The following CNTNAP2 variants were observed in gnomAD, a reference collection of about 807,000 sequenced individuals.
CNTNAP2 encodes contactin-associated protein-like 2.
CNTNAP2 carries 98 observed loss-of-function variants against 155.2 expected under a neutral mutation model. That is an observed-to-expected ratio of 0.63 (90% CI 0.54 to 0.75). The LOEUF is 0.75. CNTNAP2 is among the 30% of genes least tolerant of loss of function. The pLI, the probability that CNTNAP2 is intolerant of heterozygous loss-of-function variation, is 0.00. For synonymous variants in CNTNAP2, 651 were observed against 631.2 expected (o/e 1.03, Z -0.47); for missense variants, 1,727 against 1,688.1 (o/e 1.02, Z -0.40).
intron 13 of CNTNAP2, among the ~76,000 whole-genome samples, chr7:147,832,054 A>T (rs1213590729): frequency 6.6e-6 from 1 of 151,382 alleles, no homozygotes; most frequent in East Asian, 1.9e-4. Flanking sequence ...ACCTCATCTT[A>T]TCTCTTGATG....
Position 147,338,469 on chromosome 7 carries a change from G to A in CNTNAP2, c.1498+38179G>A, listed in dbSNP as rs188485042. Among the ~76,000 whole-genome samples the A allele has an allele frequency of 5.6e-3, 855 of 152,124 alleles. 8 individuals carry two copies. Among genetic ancestry groups the A allele is most frequent in the African/African-American group, 0.02 (816 of 41,526 alleles). On this transcript the variant is annotated intron_variant, in intron 9 of 23. Transcript: ENST00000361727. ...AATATAGAACATAAGAAGAAAGAGT[G>A]CTCTTTATTTTATTGTGAAGTAAAT...
intron 1 of CNTNAP2, among the ~76,000 whole-genome samples, chr7:146,445,501 G>A (rs532086120): frequency 6.6e-6 from 1 of 152,270 alleles, no homozygotes; most frequent in South Asian, 2.1e-4. Context: ...TTCCAGATCA[G>A]TGGAAGACTT....
intron 1 of CNTNAP2, among the ~76,000 whole-genome samples, chr7:146,303,349 C>T (rs900768266): frequency 6.6e-6 from 1 of 151,680 alleles, no homozygotes; most frequent in Admixed American, 6.6e-5. Flanking sequence ...CATGTACCCT[C>T]CTCAGTTTTT....
intron 4 of CNTNAP2, among the ~76,000 whole-genome samples, chr7:147,050,198 T>C (rs1009897605): frequency 1.3e-5 from 2 of 152,184 alleles, no homozygotes; most frequent in Non-Finnish European, 2.9e-5. Context: ...ACTAATCTTC[T>C]TACGCGATAC....
chr7:146,599,843 A>AAAT (rs376315399), intron 1 of CNTNAP2, among the ~76,000 whole-genome samples: 98,799 of 151,490 alleles, frequency 0.65, 33,615 homozygotes, highest in African/African-American at 0.82. Flanking sequence ...ATAAGACACT[A>AAAT]AATTTTTTGA....
chr7:146,411,849 T>TA (rs1795871027), intron 1 of CNTNAP2, among the ~76,000 whole-genome samples: 8 of 151,744 alleles, frequency 5.3e-5, no homozygotes, highest in African/African-American at 1.9e-4. Flanking sequence ...TTTATTTATT[T>TA]TATTTGAGAT....
In CNTNAP2 at chr7:147,871,356, G is replaced by A. The variant is rs562342814; in HGVS notation, c.2099-32209G>A. On this transcript the variant is annotated intron_variant, in intron 13 of 23. Coordinates refer to ENST00000361727, the MANE Select transcript of CNTNAP2 (RefSeq NM_014141.6). Reference sequence around the variant, plus strand: ...AAGGCCACATTCCTTCTCCTCCATGGCCCCCTGCCCCAGATATTTTACTGG... The same window carrying A: ...AAGGCCACATTCCTTCTCCTCCATGACCCCCTGCCCCAGATATTTTACTGG... 3.0e-3 allele frequency among the ~76,000 whole-genome samples: 458 copies of A among 152,180 alleles called. 2 individuals carry two copies. Among genetic ancestry groups the A allele is most frequent in the Middle Eastern group, 6.8e-3 (2 of 294 alleles).
chr7:148,275,797 T>C (rs898088927), intron 21 of CNTNAP2, among the ~76,000 whole-genome samples: 6 of 152,140 alleles, frequency 3.9e-5, no homozygotes. Flanking sequence ...GAGCCACCAT[T>C]CTTGCCATAT....
At chr7:146,642,250 T>A (rs1358134997) in intron 1 of CNTNAP2, among the ~76,000 whole-genome samples, 1 of 151,752 alleles carries the variant, frequency 6.6e-6, no homozygotes, top group Non-Finnish European at 1.5e-5. Context: ...GCTGGTGCAC[T>A]GCACCCATTA....
chr7:147,856,371 A>G (rs2116678057), intron 13 of CNTNAP2, among the ~76,000 whole-genome samples: 1 of 152,248 alleles, frequency 6.6e-6, no homozygotes, highest in African/African-American at 2.4e-5. Flanking sequence ...TTCCTATCTC[A>G]CTAATCGCCC....
intron 15 of CNTNAP2, among the ~76,000 whole-genome samples, chr7:148,003,295 T>C (rs1801927320): frequency 6.6e-6 from 1 of 152,200 alleles, no homozygotes; most frequent in African/African-American, 2.4e-5. Context: ...TGCAGTGGGA[T>C]AGATATGCTT....
At chr7:147,167,998 A>G (rs1267611617) in intron 8 of CNTNAP2, among the ~76,000 whole-genome samples, 2 of 149,342 alleles carry the variant, frequency 1.3e-5, no homozygotes, top group Admixed American at 6.7e-5. Flanking sequence ...GTATAAATTT[A>G]CATGCATATA....
rs113053240 is a variant in CNTNAP2 at position 148,249,097 on chromosome 7, C to T, written c.3382-17936C>T. Among the ~76,000 whole-genome samples, 261 of 152,312 alleles carry T rather than the reference C, an allele frequency of 1.7e-3. 2 individuals are homozygous for T. Among genetic ancestry groups the T allele is most frequent in the Middle Eastern group, 6.8e-3 (2 of 294 alleles). ...ATTATTATGTTATAAGGATTCTTTA[C>T]GTATTCTGGATACAACTCCTTTGCC... On this transcript the variant is annotated intron_variant, in intron 20 of 23. Coordinates refer to ENST00000361727, the MANE Select transcript of CNTNAP2 (RefSeq NM_014141.6).
intron 13 of CNTNAP2, among the ~76,000 whole-genome samples, chr7:147,753,308 G>C (rs117139180): frequency 6.6e-6 from 1 of 152,236 alleles, no homozygotes; most frequent in African/African-American, 2.4e-5. Flanking sequence ...TATGCACAGC[G>C]CCTAATTCCC....
intron 12 of CNTNAP2, among the ~76,000 whole-genome samples, chr7:147,618,197 G>T (rs1483568058): frequency 2.0e-5 from 3 of 152,132 alleles, no homozygotes; most frequent in Admixed American, 6.5e-5. Flanking sequence ...ATATGTCATA[G>T]GTTACTACCT....
At chr7:147,630,316 T>TAAAAAAAAAAAAAA (rs71183024) in intron 12 of CNTNAP2, among the ~76,000 whole-genome samples, 11 of 73,102 alleles carry the variant, frequency 1.5e-4, no homozygotes, top group East Asian at 5.5e-4. Flanking sequence ...GAAACAGTAG[T>TAAAAAAAAAAAAAA]AAAAAAAAAA....
At chr7:146,584,410 T>G (rs1434408378) in intron 1 of CNTNAP2, among the ~76,000 whole-genome samples, 1 of 152,200 alleles carries the variant, frequency 6.6e-6, no homozygotes, top group Non-Finnish European at 1.5e-5. Context: ...GAAACCCCAC[T>G]TAAGTCTAGC....
intron 3 of CNTNAP2, among the ~76,000 whole-genome samples, chr7:146,936,343 T>G (rs1480676844): frequency 1.3e-5 from 2 of 152,202 alleles, no homozygotes; most frequent in Admixed American, 1.3e-4. Flanking sequence ...GACGAGGTTT[T>G]GTTTTTCTCC....
chr7:148,244,814 C>T (rs929657996), intron 20 of CNTNAP2, among the ~76,000 whole-genome samples: 5 of 152,002 alleles, frequency 3.3e-5, no homozygotes, highest in African/African-American at 9.7e-5. Flanking sequence ...CTGCCCACCT[C>T]AGCTTCCCAA....
Sources: allele counts gnomAD v4.1 joint callset (sites outside exome capture counted in the v4.1 genomes callset), GRCh38; gene constraint gnomAD v4.1.1; transcripts MANE v1.5; gene names NCBI Gene and HGNC (gene_info 2026-07-23, HGNC 2026-07-21).